Variants in FAM169A observed in about 807,000 individuals in gnomAD.
FAM169A encodes soluble lamin-associated protein of 75 kDa.
In FAM169A, 24 loss-of-function variants were observed where a neutral mutation model predicts 75.7. The observed-to-expected ratio is 0.32, with a 90% CI of 0.23 to 0.45. The LOEUF (loss-of-function observed/expected upper bound fraction) is 0.45. Ranked by LOEUF, FAM169A falls within the 20% of genes least tolerant of loss-of-function variation. The probability of loss-of-function intolerance (pLI) is 1.00; values close to 1 mark genes in which losing one functional copy is unlikely to be tolerated. For synonymous variants in FAM169A, 271 were observed against 271.0 expected (o/e 1.00, Z 0.00); for missense variants, 673 against 784.0 (o/e 0.86, Z 1.69).
chr5:74,836,190 T>C (rs1379239467), intron 4 of FAM169A, among the ~76,000 whole-genome samples: 3 of 152,252 alleles, frequency 2.0e-5, no homozygotes, highest in African/African-American at 7.2e-5. Flanking sequence ...ATTTTACTGC[T>C]AATTAATTAA....
intron 10 of FAM169A, chr5:74,798,941 C>T (rs1746417870): frequency 2.4e-6 from 2 of 825,658 alleles, no homozygotes; most frequent in Non-Finnish European, 4.1e-6. Flanking sequence ...TGCTCCAAGA[C>T]CGTCCGGACT....
In FAM169A at chr5:74,839,463, C is replaced by T. The variant is rs548345411; in HGVS notation, c.233-413G>A. On this transcript the variant is annotated intron_variant, in intron 3 of 12. Transcript: ENST00000687041. Reference sequence around the variant, plus strand: ...AAGACGTGCCTGCTTCCCCTTCTGCCATGATTGCAAGTTTCCTGGTGGCCT... The same window carrying T: ...AAGACGTGCCTGCTTCCCCTTCTGCTATGATTGCAAGTTTCCTGGTGGCCT... Among the ~76,000 whole-genome samples the T allele has an allele frequency of 1.5e-4, 23 of 152,158 alleles. No homozygotes were observed. The East Asian group carries it at 3.1e-3, about 20-fold the overall frequency.
At chr5:74,825,360 T>G (rs990172774) in intron 5 of FAM169A, among the ~76,000 whole-genome samples, 1 of 152,208 alleles carries the variant, frequency 6.6e-6, no homozygotes, top group East Asian at 1.9e-4. Context: ...CAGTAGCCAC[T>G]AGTCACATGT....
At chr5:74,865,172 A>G (rs764662668) in intron 1 of FAM169A, among the ~76,000 whole-genome samples, 1 of 152,238 alleles carries the variant, frequency 6.6e-6, no homozygotes, top group Non-Finnish European at 1.5e-5. Context: ...GTAATTCGCA[A>G]GAAGCCAACG....
intron 1 of FAM169A, among the ~76,000 whole-genome samples, chr5:74,862,294 C>T (rs1249950333): frequency 6.6e-6 from 1 of 152,210 alleles, no homozygotes; most frequent in Admixed American, 6.5e-5. Flanking sequence ...CATACACATC[C>T]ATTCACAATC....
At chr5:74,796,291 C>A (rs1746270905) in intron 10 of FAM169A, 105 bp from the exon 11 acceptor site, 1 of 987,928 alleles carries the variant, frequency 1.0e-6, no homozygotes, top group African/African-American at 1.6e-5. Flanking sequence ...ACTATGTTGT[C>A]AACAACTTCA....
chr5:74,796,784 T>A (rs1356390130), intron 10 of FAM169A, among the ~76,000 whole-genome samples: 1 of 152,110 alleles, frequency 6.6e-6, no homozygotes, highest in Non-Finnish European at 1.5e-5. Flanking sequence ...TATATCCCAG[T>A]TTACCTGGAG....
intron 6 of FAM169A, among the ~76,000 whole-genome samples, chr5:74,811,248 T>A (rs1747179179): frequency 6.6e-6 from 1 of 152,172 alleles, no homozygotes; most frequent in Non-Finnish European, 1.5e-5. Context: ...CCTTCCAAAG[T>A]GCTAAGGCTT....
Position 74,859,568 on chromosome 5 carries a change from G to A in FAM169A, c.-4+6597C>T, listed in dbSNP as rs187156117. Among the ~76,000 whole-genome samples the A allele has an allele frequency of 4.0e-3, 613 of 152,218 alleles. 2 individuals are homozygous for A. Among genetic ancestry groups the A allele is most frequent in the African/African-American group, 0.014 (587 of 41,556 alleles). On this transcript the variant is annotated intron_variant, in intron 1 of 12. Transcript: ENST00000687041. ...CTCCCATAGTGCTGGGATTACAGGC[G>A]TGAGCCACCACGCCCGGCGAAGGTT...
chr5:74,816,659 G>A (rs1747486946), intron 5 of FAM169A, among the ~76,000 whole-genome samples: 1 of 151,932 alleles, frequency 6.6e-6, no homozygotes, highest in African/African-American at 2.4e-5. Context: ...ATATTATCAG[G>A]GACTTTTAAG....
In FAM169A at chr5:74,841,636, T is replaced by C; in HGVS notation, c.41A>G (p.Glu14Gly). 6.2e-7 allele frequency: 1 copy of C among 1,613,128 alleles called. No homozygotes were observed. ...PVDMLENCSH[E>G]ELENSAEDYM... is the part of the protein sequence containing the mutation. ...ATCTTCAGCAGAATTTTCCAATTCC[T>C]CATGGCTGCAATTTTCCAGCATATC... Residue 14 changes from glutamate to glycine, a missense_variant, in exon 2 of 13, where the codon GAG (glutamate) becomes GGG (glycine). Transcript: ENST00000687041.
At chr5:74,810,924 C>A (rs375465789) in intron 6 of FAM169A, among the ~76,000 whole-genome samples, 11 of 148,244 alleles carry the variant, frequency 7.4e-5, no homozygotes, top group African/African-American at 2.5e-4. Context: ...GATCCTCCTG[C>A]CTCAGTCTCT....
intron 5 of FAM169A, among the ~76,000 whole-genome samples, chr5:74,831,710 T>C (rs1160778195): frequency 6.6e-6 from 1 of 152,166 alleles, no homozygotes; most frequent in Non-Finnish European, 1.5e-5. Context: ...ATCTGTGTAT[T>C]TTCAAATTTC....
intron 11 of FAM169A, among the ~76,000 whole-genome samples, chr5:74,794,437 T>C (rs1017240067): frequency 6.7e-6 from 1 of 148,304 alleles, no homozygotes; most frequent in African/African-American, 2.5e-5. Context: ...AAAAATATCA[T>C]TTCATGAGGC....
At chr5:74,798,140 C>T (rs967248970) in intron 10 of FAM169A, among the ~76,000 whole-genome samples, 30 of 152,230 alleles carry the variant, frequency 2.0e-4, no homozygotes, top group Admixed American at 1.9e-3. Context: ...AACACTCTTT[C>T]CTCTGTATCC....
intron 1 of FAM169A, among the ~76,000 whole-genome samples, chr5:74,842,144 G>C (rs60492282): frequency 0.15 from 22,120 of 150,944 alleles, 1,880 homozygotes; most frequent in African/African-American, 0.23. Flanking sequence ...AAATCACTGC[G>C]GGCACAGTGG....
At chr5:74,818,998 T>G (rs1013579665) in intron 5 of FAM169A, among the ~76,000 whole-genome samples, 1 of 152,104 alleles carries the variant, frequency 6.6e-6, no homozygotes, top group Non-Finnish European at 1.5e-5. Flanking sequence ...GGTGGGCGGA[T>G]CACCTGTGGT....
intron 10 of FAM169A, among the ~76,000 whole-genome samples, chr5:74,796,420 TTC>T (rs201284985): frequency 0.23 from 34,838 of 151,378 alleles, 4,294 homozygotes; most frequent in Middle Eastern, 0.3. Flanking sequence ...CTTTTTTTTT[TTC>T]CGAGATAAAG....
intron 5 of FAM169A, among the ~76,000 whole-genome samples, chr5:74,826,980 G>T (rs1748062365): frequency 1.3e-5 from 2 of 152,038 alleles, no homozygotes. Context: ...TTACTTTATA[G>T]AATAACTCTC....
Sources: allele counts gnomAD v4.1 joint callset (sites outside exome capture counted in the v4.1 genomes callset), GRCh38; gene constraint gnomAD v4.1.1; transcripts MANE v1.5; gene names NCBI Gene and HGNC (gene_info 2026-07-23, HGNC 2026-07-21).